The following PFKFB3 variants were observed in gnomAD, a reference collection of about 807,000 sequenced individuals.
PFKFB3 encodes 6-phosphofructo-2-kinase/fructose-2,6-bisphosphatase 3.
Under a neutral mutation model 68.0 loss-of-function variants are expected in PFKFB3, and 33 were observed. The observed-to-expected ratio is 0.49, with a 90% CI of 0.37 to 0.65. The LOEUF (loss-of-function observed/expected upper bound fraction) is 0.65, where lower values mean the gene tolerates loss of function less well. PFKFB3 is among the 30% of genes least tolerant of loss of function. The pLI is 0.00. For synonymous variants in PFKFB3, 315 were observed against 288.2 expected, an observed-to-expected ratio of 1.09 and a Z score of -0.94; for missense variants, 586 against 712.2, an observed-to-expected ratio of 0.82 and a Z score of 2.02.
At chr10:6,219,097 G>T (rs1206340785) in intron 6 of PFKFB3, among the ~76,000 whole-genome samples, 1 of 152,224 alleles carries the variant, frequency 6.6e-6, no homozygotes, top group Non-Finnish European at 1.5e-5. Context: ...GGTCACACTG[G>T]GGCTGCCTCA....
At chr10:6,188,939 A>T (rs972846231) in intron 1 of PFKFB3, among the ~76,000 whole-genome samples, 2 of 146,384 alleles carry the variant, frequency 1.4e-5, no homozygotes, top group African/African-American at 5.1e-5. Context: ...GGTTCACGCC[A>T]TTCTCCTGCC....
At position 6,216,755 on chromosome 10, in the gene PFKFB3, A is replaced by C. The variant is rs1439020587; in HGVS notation, c.416A>C (p.His139Pro). Residue 139 changes from histidine (H) to proline (P), a missense_variant, in exon 5 of 15, where the codon CAT becomes CCT. Coordinates refer to ENST00000379775, the MANE Select transcript of PFKFB3 (RefSeq NM_004566.4). ...TTRERRHMIL[H>P]FAKENDFKAF... is the part of the protein sequence containing the mutation. ...AGAGAGAGGAGACACATGATCCTTCATTTTGCCAAAGAAAATGACTTTAAG... is the reference window on the plus strand; with the variant it reads ...AGAGAGAGGAGACACATGATCCTTCCTTTTGCCAAAGAAAATGACTTTAAG... The C allele has an allele frequency of 3.1e-6, 5 of 1,613,688 alleles. No individual in the cohort carries two copies. Among genetic ancestry groups the C allele is most frequent in the Non-Finnish European group, 4.2e-6 (5 of 1,179,618 alleles).
intron 10 of PFKFB3, 95 bp from the exon 11 acceptor site, chr10:6,222,760 C>T (rs528991852): frequency 6.7e-6 from 9 of 1,337,572 alleles, no homozygotes; most frequent in South Asian, 2.9e-5. Context: ...ATTGATTTTG[C>T]GTGGCTCTCT....
chr10:6,201,598 C>T (rs146950649), upstream of PFKFB3, among the ~76,000 whole-genome samples: 357 of 151,194 alleles, frequency 2.4e-3, 2 homozygotes, highest in African/African-American at 8.1e-3. The surrounding 1 kb of genome is among the most constrained non-coding windows in gnomAD (Gnocchi z 4.1). Context: ...GGAGCAGCCC[C>T]GGTCGCCGCC....
rs1382443344 is a variant in PFKFB3 at position 6,177,472 on chromosome 10, C to T, written c.16+32459C>T. ...TCTTTCTTTCTTTCTTTCTTTCTTT[C>T]TTTCTTTCTTTCTTTTTCTTTTCTT... On this transcript the variant is annotated intron_variant, in intron 1 of 14. Coordinates refer to the PFKFB3 transcript ENST00000379789. 4.7e-3 allele frequency among the ~76,000 whole-genome samples: 584 copies of T among 123,644 alleles called. 28 individuals carry two copies. The East Asian group carries it at 0.056, about 12-fold the overall frequency. The allele number at this position is 123,644 out of a possible 152,430, so 81.1% of individuals were successfully genotyped here. A position where few individuals can be genotyped will look rare whatever the true frequency, so the allele number is the denominator to read the frequency against.
In PFKFB3 at chr10:6,178,671, G is replaced by A. The variant is rs181869027; in HGVS notation, c.16+33658G>A. ...GGAGCAGCTGGGCGTTATTTTCCCC[G>A]GGGCCAGGGTGGGCATCTCGGCCTC... On this transcript the variant is annotated intron_variant, in intron 1 of 14. Coordinates refer to the PFKFB3 transcript ENST00000379789. 5.9e-3 allele frequency among the ~76,000 whole-genome samples: 899 copies of A among 152,302 alleles called. 8 individuals carry two copies. Among genetic ancestry groups the A allele is most frequent in the African/African-American group, 0.02 (832 of 41,566 alleles).
At chr10:6,276,048 G>A in the PFKFB3 span, among the ~76,000 whole-genome samples, 6 of 152,252 alleles carry the variant, frequency 3.9e-5, no homozygotes, top group African/African-American at 1.2e-4. Context: ...AATAGACTGC[G>A]TAAAGACAGA....
chr10:6,246,010 T>G (rs998696343), intron 14 of PFKFB3, among the ~76,000 whole-genome samples: 1 of 152,178 alleles, frequency 6.6e-6, no homozygotes, highest in Non-Finnish European at 1.5e-5. Flanking sequence ...GAAAGCCGCC[T>G]CCTCTTCCTT....
rs959687547 is a variant in PFKFB3 at position 6,228,702 on chromosome 10, T to G, written c.1515+2337T>G. 6.6e-6 allele frequency among the ~76,000 whole-genome samples: 1 copy of G among 152,006 alleles called. No individual in the cohort carries two copies. The highest frequency in any genetic ancestry group is 1.5e-5 in the Non-Finnish European group (1 of 67,986). ...CCTATGGGGAATAGTGGGAGTGTGG[T>G]GGGGCCTGAGCTCTGAGCCTCTCCC... On this transcript the variant is annotated intron_variant, in intron 14 of 14. Transcript: ENST00000379775. This position sits in a 1 kb window ranked among gnomAD's most constrained non-coding sequence, Gnocchi z 4.5.
chr10:6,174,025 G>A lies in PFKFB3; in HGVS notation c.16+29012G>A, dbSNP rs142648799. Among the ~76,000 whole-genome samples, 230 of 152,168 alleles carry A rather than the reference G, an allele frequency of 1.5e-3. 1 individual carries two copies. Among genetic ancestry groups the A allele is most frequent in the Middle Eastern group, 0.014 (4 of 294 alleles). On this transcript the variant is annotated intron_variant, in intron 1 of 14. Transcript: ENST00000379789. The stretch of plus-strand genomic sequence containing the variant: ...CGGAAAGAACATAGATGATGTGTGC[G>A]GGAGTTGAGATTTGGGGATTGACCA...
At chr10:6,146,109 G>T in intron 1 of PFKFB3, 1 of 473,542 alleles carries the variant, frequency 2.1e-6, no homozygotes, top group East Asian at 1.5e-4. Context: ...TGCGACCTGG[G>T]CACACTAAGG....
intron 13 of PFKFB3, chr10:6,224,475 T>C: frequency 1.6e-6 from 1 of 631,534 alleles, no homozygotes; most frequent in Non-Finnish European, 2.9e-6. Flanking sequence ...GTGAGGAAGA[T>C]ACATTCTCTC....
chr10:6,262,263 G>C, the PFKFB3 span, among the ~76,000 whole-genome samples: 1 of 151,494 alleles, frequency 6.6e-6, no homozygotes, highest in Non-Finnish European at 1.5e-5. Context: ...GACCATCCTG[G>C]CTAACATGGT....
chr10:6,252,227 A>C (rs1044488584), intron 14 of PFKFB3, among the ~76,000 whole-genome samples: 2 of 152,146 alleles, frequency 1.3e-5, no homozygotes, highest in Non-Finnish European at 2.9e-5. Flanking sequence ...ATCCAACTCT[A>C]TTTTATCTGA....
At chr10:6,169,857 T>C (rs1203727039) in intron 1 of PFKFB3, among the ~76,000 whole-genome samples, 1 of 152,172 alleles carries the variant, frequency 6.6e-6, no homozygotes, top group Non-Finnish European at 1.5e-5. Flanking sequence ...CATTGTTATG[T>C]CTTGGATGTG....
At chr10:6,230,796 A>G (rs1420592347) in intron 14 of PFKFB3, among the ~76,000 whole-genome samples, 1 of 150,614 alleles carries the variant, frequency 6.6e-6, no homozygotes, top group Non-Finnish European at 1.5e-5. Flanking sequence ...GCTCACTGCA[A>G]CCTCCTTCTC....
At chr10:6,193,911 A>C in intron 1 of PFKFB3, among the ~76,000 whole-genome samples, 1 of 152,252 alleles carries the variant, frequency 6.6e-6, no homozygotes, top group East Asian at 1.9e-4. Context: ...GAATATCATC[A>C]GTTAAGTCGA....
At chr10:6,225,753 T>C (rs1845303442) in intron 13 of PFKFB3, among the ~76,000 whole-genome samples, 1 of 72,144 alleles carries the variant, frequency 1.4e-5, no homozygotes, top group Non-Finnish European at 3.4e-5. Context: ...AGATCCTGCC[T>C]CGGGTCAGCG....
chr10:6,169,798 C>T (rs1349728171), intron 1 of PFKFB3, among the ~76,000 whole-genome samples: 1 of 152,188 alleles, frequency 6.6e-6, no homozygotes, highest in Non-Finnish European at 1.5e-5. Flanking sequence ...GGTCTGAGCA[C>T]CGAGGAAGGA....
Sources: allele counts gnomAD v4.1 joint callset (sites outside exome capture counted in the v4.1 genomes callset), GRCh38; gene constraint gnomAD v4.1.1; non-coding constraint Gnocchi (gnomAD v3.1); transcripts MANE v1.5; gene names NCBI Gene and HGNC (gene_info 2026-07-23, HGNC 2026-07-21).